Variants in ACTR8 observed in about 807,000 individuals in gnomAD.
ACTR8 encodes the protein actin-related protein 8.
A neutral mutation model predicts 84.3 loss-of-function variants in ACTR8; 70 were observed. The ratio of observed to expected loss-of-function variants is 0.83; its 90% CI spans 0.68 to 1.01. The LOEUF is 1.01. ACTR8 is among the 50% of genes least tolerant of loss of function. ACTR8 has a pLI of 0.00. For synonymous variants in ACTR8, 268 were observed against 275.2 expected (o/e 0.97, Z 0.26); for missense variants, 672 against 775.4 (o/e 0.87, Z 1.58).
In ACTR8 at chr3:53,881,980, T is replaced by C. The variant is rs1700072506; in HGVS notation, c.122A>G (p.Glu41Gly). ...VPALVPESLQ[E>G]QIQSNFIIVI... ...GTTCCAACCCAGCCAGAGCCGCACC[T>C]CTTGCAGCGACTCCGGCACCAGCGC... The change falls in exon 1 of 13, where the codon GAG becomes GGG. Residue 41 changes from glutamate to glycine, a missense_variant and splice_region_variant. By Grantham distance (98) the Glu-to-Gly change is moderately conservative. Transcript: ENST00000335754. The C allele has an allele frequency of 1.3e-6, 2 of 1,554,636 alleles. No homozygotes were observed.
chr3:53,875,378 G>C (rs1371127969), intron 7 of ACTR8, among the ~76,000 whole-genome samples: 2 of 152,208 alleles, frequency 1.3e-5, no homozygotes, highest in Non-Finnish European at 2.9e-5. Flanking sequence ...ATGCTTCAGA[G>C]AGCCCATACC....
Position 53,867,997 on chromosome 3 carries a change from G to A in ACTR8, c.*722C>T, listed in dbSNP as rs1037022260. 6.6e-6 allele frequency: 1 copy of A among 151,884 alleles called. No individual in the cohort carries two copies. Among genetic ancestry groups the A allele is most frequent in the Non-Finnish European group, 1.5e-5 (1 of 67,976 alleles). 9.4% of individuals were successfully genotyped at this position (151,884 alleles called of 1,614,324 possible). On this transcript the variant is annotated 3_prime_UTR_variant, in exon 13 of 13. Coordinates refer to ENST00000335754, the MANE Select transcript of ACTR8 (RefSeq NM_022899.5). ...CCAAATCATTTCTATTTGGCTTTAGGAAAAAAACAAGATTTCCTTTTCAGC... is the reference window on the plus strand; with the variant it reads ...CCAAATCATTTCTATTTGGCTTTAGAAAAAAAACAAGATTTCCTTTTCAGC...
At chr3:53,869,910 G>T in intron 12 of ACTR8, 72 bp downstream of exon 12, 1 of 1,553,124 alleles carries the variant, frequency 6.4e-7, no homozygotes, top group Non-Finnish European at 8.8e-7. Flanking sequence ...ATGCCTCCCA[G>T]GATTTGATCT....
At chr3:53,881,663 C>T (rs1700062136) in intron 1 of ACTR8, 4 of 469,206 alleles carry the variant, frequency 8.5e-6, no homozygotes, top group Admixed American at 3.6e-5. Flanking sequence ...GGCTGGTTAT[C>T]ACCGTGGTCG....
downstream of ACTR8, among the ~76,000 whole-genome samples, chr3:53,862,546 G>A (rs1576848406): frequency 6.6e-6 from 1 of 152,282 alleles, no homozygotes; most frequent in East Asian, 1.9e-4. Context: ...AAAGGTGGGG[G>A]GTGAAGGGTT....
chr3:53,861,329 T>G, the ACTR8 span: 1 of 151,264 alleles, frequency 6.6e-6, no homozygotes, highest in Non-Finnish European at 1.5e-5. Flanking sequence ...AAAAGCCAAA[T>G]TGCTTGATAT....
downstream of ACTR8, among the ~76,000 whole-genome samples, chr3:53,862,193 T>G (rs976577187): frequency 6.6e-6 from 1 of 152,160 alleles, no homozygotes; most frequent in African/African-American, 2.4e-5. Flanking sequence ...CAGAGCCCCA[T>G]GAGTTCAACA....
Position 53,870,884 on chromosome 3 carries a change from T to C in ACTR8, c.1567+348A>G, listed in dbSNP as rs4687756. Among the ~76,000 whole-genome samples the C allele has an allele frequency of 0.23, 35,075 of 152,122 alleles. 4,973 individuals are homozygous for C. The highest frequency in any genetic ancestry group is 0.4 in the East Asian group (2,061 of 5,150). On this transcript the variant is annotated intron_variant, in intron 11 of 12. Transcript: ENST00000335754. The surrounding 1 kb of genome is among the most constrained non-coding windows in gnomAD (Gnocchi z 4.1). ...TCCCACCTTCCATACCATCCCCTAG[T>C]GAGTAAAGATTCTATGTGAAATTCC...
chr3:53,865,044 C>T (rs1166596713), downstream of ACTR8: 4 of 1,614,034 alleles, frequency 2.5e-6, no homozygotes, highest in Non-Finnish European at 3.4e-6. Flanking sequence ...AGGGCAGTCC[C>T]AGTGAGAACT....
At chr3:53,881,823 G>A in intron 1 of ACTR8, 156 bp downstream of exon 1, 2 of 1,267,716 alleles carry the variant, frequency 1.6e-6, no homozygotes, top group Non-Finnish European at 2.2e-6. Flanking sequence ...GTCCCGGCGC[G>A]CCACCACCCG....
chr3:53,859,193 G>C, the ACTR8 span: 1 of 162,008 alleles, frequency 6.2e-6, no homozygotes, highest in Non-Finnish European at 1.3e-5. Context: ...ACCAGTCTCA[G>C]TGGCCCAGGA....
At chr3:53,881,812 C>T in intron 1 of ACTR8, 167 bp downstream of exon 1, 1 of 1,142,430 alleles carries the variant, frequency 8.8e-7, no homozygotes, top group African/African-American at 1.5e-5. Flanking sequence ...CAGCCCTCGG[C>T]GTCCCGGCGC....
chr3:53,878,691 G>C (rs1433279929), intron 2 of ACTR8, among the ~76,000 whole-genome samples: 1 of 152,138 alleles, frequency 6.6e-6, no homozygotes, highest in Non-Finnish European at 1.5e-5. Context: ...GGGTGTGGTG[G>C]CACAGGCCTG....
intron 5 of ACTR8, 93 bp downstream of exon 5, chr3:53,877,118 CAAG>C (rs1699987544): frequency 9.7e-6 from 12 of 1,232,520 alleles, no homozygotes; most frequent in African/African-American, 1.6e-5. Flanking sequence ...AAGAATGTTT[CAAG>C]AAGGACACTA....
intron 2 of ACTR8, among the ~76,000 whole-genome samples, chr3:53,879,090 A>C (rs1180777250): frequency 6.6e-6 from 1 of 152,208 alleles, no homozygotes; most frequent in Non-Finnish European, 1.5e-5. Flanking sequence ...TTAAGCCATA[A>C]ACTTACTGGT....
intron 1 of ACTR8, 83 bp downstream of exon 1, chr3:53,881,896 A>G: frequency 6.5e-7 from 1 of 1,540,320 alleles, no homozygotes; most frequent in Non-Finnish European, 8.7e-7. Context: ...GGGGACTCGA[A>G]GCCTCCCGCC....
rs759587221 is a variant in ACTR8 at position 53,876,006 on chromosome 3, C to A, written c.853G>T (p.Gly285Trp). ...CAGCATACACTTGTCTTCTGGTCCC[C>A]AACGTCTACAATACACGTGCTGCTT... ...GLSSTCIVDV[G>W]DQKTSVCCVE... Residue 285 changes from glycine (G) to tryptophan (W), a missense_variant, in exon 7 of 13, where the codon GGG becomes TGG. By Grantham distance (184) the Gly-to-Trp change is radical (BLOSUM62 -2). Coordinates refer to ENST00000335754, the MANE Select transcript of ACTR8 (RefSeq NM_022899.5). 6.2e-7 allele frequency: 1 copy of A among 1,614,054 alleles called. No individual in the cohort carries two copies. The highest frequency in any genetic ancestry group is 1.3e-5 in the African/African-American group (1 of 74,914).
chr3:53,860,185 C>A, the ACTR8 span: 34 of 1,613,986 alleles, frequency 2.1e-5, no homozygotes, highest in Non-Finnish European at 2.7e-5. Flanking sequence ...TGCTGGTGGC[C>A]ACATGGGTGC....
chr3:53,868,722 C>G lies in ACTR8; in HGVS notation c.1872G>C (p.Trp624Cys), dbSNP rs1179500010. The change falls in exon 13 of 13, where the codon TGG (tryptophan) becomes TGC (cysteine). Residue 624 changes from tryptophan (W) to cysteine (C), a missense_variant. Transcript: ENST00000335754. ...RMLRERAAFV[W>C] ...GGCAGTGACATTTCCTCCCCATTCA[C>G]CACACAAACGCAGCCCGCTCTCGTA... 2 of 1,613,788 alleles carry G rather than the reference C, an allele frequency of 1.2e-6. No individual in the cohort carries two copies.
Sources: allele counts gnomAD v4.1 joint callset (sites outside exome capture counted in the v4.1 genomes callset), GRCh38; gene constraint gnomAD v4.1.1; non-coding constraint Gnocchi (gnomAD v3.1); transcripts MANE v1.5; gene names NCBI Gene and HGNC (gene_info 2026-07-23, HGNC 2026-07-21).